Variants in AGBL4 observed in about 807,000 individuals in gnomAD.
AGBL4 encodes the protein AGBL carboxypeptidase 4.
In AGBL4, 58 loss-of-function variants were observed where a neutral mutation model predicts 66.4. The observed-to-expected ratio is 0.87, with a 90% CI of 0.71 to 1.09. The LOEUF is 1.09. Ranked by LOEUF, AGBL4 falls within the 50% of genes least tolerant of loss-of-function variation. The pLI is 0.00. For synonymous variants in AGBL4, 234 were observed against 222.9 expected (o/e 1.05, Z -0.44); for missense variants, 579 against 631.0 (o/e 0.92, Z 0.88).
intron 3 of AGBL4, among the ~76,000 whole-genome samples, chr1:49,592,574 A>G (rs989655924): frequency 1.2e-4 from 18 of 152,210 alleles, no homozygotes; most frequent in African/African-American, 4.3e-4. Flanking sequence ...TCTCAAAAAA[A>G]CAAAAACATG....
At chr1:48,766,574 C>A (rs1644542080) in intron 6 of AGBL4, among the ~76,000 whole-genome samples, 2 of 152,210 alleles carry the variant, frequency 1.3e-5, no homozygotes, top group Non-Finnish European at 2.9e-5. Context: ...TGAATGGGTT[C>A]TTTGAAAAGG....
chr1:49,773,673 T>C (rs949139779), intron 2 of AGBL4, among the ~76,000 whole-genome samples: 1 of 152,216 alleles, frequency 6.6e-6, no homozygotes, highest in Non-Finnish European at 1.5e-5. Context: ...AGGTTGTGTG[T>C]CTGACTCTGG....
intron 4 of AGBL4, among the ~76,000 whole-genome samples, chr1:49,237,810 T>G (rs1005383559): frequency 2.6e-5 from 4 of 152,076 alleles, no homozygotes; most frequent in African/African-American, 9.7e-5. Flanking sequence ...TGTTGTTGTT[T>G]CTTCCTGATA....
At chr1:48,619,906 T>C (rs1343990232) in intron 9 of AGBL4, among the ~76,000 whole-genome samples, 1 of 152,186 alleles carries the variant, frequency 6.6e-6, no homozygotes, top group East Asian at 1.9e-4. Context: ...GGAATCGCCC[T>C]TGGGGGATCT....
chr1:49,391,617 A>T (rs1289901805), intron 3 of AGBL4, among the ~76,000 whole-genome samples: 1 of 141,956 alleles, frequency 7.0e-6, no homozygotes, highest in African/African-American at 2.7e-5. Flanking sequence ...GCTGGAGTAC[A>T]GTGGCGCGAT....
chr1:49,463,160 G>GA (rs1473869568), intron 3 of AGBL4, among the ~76,000 whole-genome samples: 2 of 151,654 alleles, frequency 1.3e-5, no homozygotes, highest in African/African-American at 4.8e-5. Flanking sequence ...TTTATAGATG[G>GA]AAAAATAGAT....
At chr1:49,440,269 T>TG (rs1177800160) in intron 3 of AGBL4, among the ~76,000 whole-genome samples, 2 of 151,968 alleles carry the variant, frequency 1.3e-5, no homozygotes, top group Non-Finnish European at 2.9e-5. Context: ...AGGGTTTCAC[T>TG]GTGTTAGCCA....
chr1:49,094,178 T>A (rs1645049774), intron 4 of AGBL4, among the ~76,000 whole-genome samples: 1 of 152,072 alleles, frequency 6.6e-6, no homozygotes, highest in Non-Finnish European at 1.5e-5. Context: ...CTGGCACTAT[T>A]TATAAAATAA....
At chr1:49,149,512 C>T (rs1646284813) in intron 4 of AGBL4, among the ~76,000 whole-genome samples, 1 of 152,168 alleles carries the variant, frequency 6.6e-6, no homozygotes, top group African/African-American at 2.4e-5. Context: ...GGACTACAAC[C>T]TAAAGCTAGA....
chr1:49,317,606 C>A (rs1404810509), intron 3 of AGBL4, among the ~76,000 whole-genome samples: 1 of 151,758 alleles, frequency 6.6e-6, no homozygotes, highest in Non-Finnish European at 1.5e-5. Flanking sequence ...TCACTAGAGC[C>A]TTTCTGGACT....
At chr1:50,001,417 T>TTG (rs35073061) in intron 1 of AGBL4, among the ~76,000 whole-genome samples, 3,456 of 147,006 alleles carry the variant, frequency 0.024, 81 homozygotes, top group Admixed American at 0.079. Context: ...AAAAAATAAT[T>TTG]TGTGTGTGTG....
In AGBL4 at chr1:48,751,401, CTG is replaced by C. The variant is rs367585713; in HGVS notation, c.635-88162_635-88161del. On this transcript the variant is annotated intron_variant, in intron 6 of 13. Coordinates refer to ENST00000371839, the MANE Select transcript of AGBL4 (RefSeq NM_032785.4). ...CACAGAAGCACATGGCTAAGGGACTCTGTGATCAGACTGCCTGACGCATGGCA... is the reference window on the plus strand; with the variant it reads ...CACAGAAGCACATGGCTAAGGGACTCTGATCAGACTGCCTGACGCATGGCA... 1.8e-3 allele frequency among the ~76,000 whole-genome samples: 272 copies of C among 152,302 alleles called. 5 individuals carry two copies. The South Asian group carries it at 0.046, about 26-fold the overall frequency.
At chr1:49,125,515 T>C (rs1167793375) in intron 4 of AGBL4, among the ~76,000 whole-genome samples, 1 of 152,120 alleles carries the variant, frequency 6.6e-6, no homozygotes, top group African/African-American at 2.4e-5. Context: ...AGATCAAGTG[T>C]ATATGGAACA....
intron 4 of AGBL4, among the ~76,000 whole-genome samples, chr1:49,124,491 G>C (rs1367997948): frequency 2.0e-5 from 3 of 152,196 alleles, no homozygotes; most frequent in African/African-American, 7.2e-5. Flanking sequence ...CCTGACCGTA[G>C]CACTGCTTTA....
Position 50,009,985 on chromosome 1 carries a change from CA to C in AGBL4, c.34+13777del, listed in dbSNP as rs374489101. Among the ~76,000 whole-genome samples the C allele has an allele frequency of 3.4e-4, 52 of 151,960 alleles. 1 individual carries two copies. In the South Asian group the frequency reaches 9.6e-3, roughly 28 times the overall value. On this transcript the variant is annotated intron_variant, in intron 1 of 13. Coordinates refer to ENST00000371839, the MANE Select transcript of AGBL4 (RefSeq NM_032785.4). ...ACAGTGAAAACTATAAAATATTGAT[CA>C]AAGAAATTAAAGAGGACGTCAAAAA...
chr1:48,854,728 G>T (rs1647107452), intron 6 of AGBL4, among the ~76,000 whole-genome samples: 1 of 152,120 alleles, frequency 6.6e-6, no homozygotes, highest in African/African-American at 2.4e-5. Context: ...TCAAAGATGG[G>T]TTCATTATGA....
chr1:49,076,203 G>A (rs1450957247), intron 4 of AGBL4, among the ~76,000 whole-genome samples: 3 of 152,014 alleles, frequency 2.0e-5, no homozygotes, highest in African/African-American at 7.3e-5. Context: ...TATCTGTAGG[G>A]GATATGTTCC....
At chr1:49,474,477 G>A (rs969488149) in intron 3 of AGBL4, among the ~76,000 whole-genome samples, 3 of 151,928 alleles carry the variant, frequency 2.0e-5, no homozygotes. Flanking sequence ...TGTGAACATG[G>A]CTAACAGGAC....
At chr1:49,216,581 C>T (rs945746920) in intron 4 of AGBL4, among the ~76,000 whole-genome samples, 14 of 152,114 alleles carry the variant, frequency 9.2e-5, no homozygotes, top group African/African-American at 3.1e-4. Flanking sequence ...CTGCACAGGG[C>T]ATGTGTTTGC....
Sources: gnomAD v4.1 joint callset for allele counts (sites outside exome capture counted in the v4.1 genomes callset) on GRCh38, gnomAD v4.1.1 for gene constraint, MANE v1.5 for transcripts, NCBI Gene and HGNC (gene_info 2026-07-23, HGNC 2026-07-21) for gene names.